SPTLC2: variants seen among roughly 807,000 people sequenced by gnomAD.
SPTLC2 encodes the protein serine palmitoyltransferase 2.
In SPTLC2, 21 loss-of-function variants were observed where a neutral mutation model predicts 62.0. The observed-to-expected ratio is 0.34, with a 90% CI of 0.24 to 0.49. The LOEUF (loss-of-function observed/expected upper bound fraction) is 0.49, where lower values mean the gene tolerates loss of function less well. Ranked by LOEUF, SPTLC2 falls within the 20% of genes least tolerant of loss-of-function variation. SPTLC2 has a pLI of 0.99. For synonymous variants in SPTLC2, 261 were observed against 261.8 expected (o/e 1.00, Z 0.03); for missense variants, 511 against 713.0 (o/e 0.72, Z 3.23).
intron 10 of SPTLC2, among the ~76,000 whole-genome samples, chr14:77,520,586 A>G (rs2139994463): frequency 6.6e-6 from 1 of 152,362 alleles, no homozygotes; most frequent in South Asian, 2.1e-4. Context: ...TCACTCCTTT[A>G]TTCTACATCT....
chr14:77,614,179 T>A (rs1489199574), intron 1 of SPTLC2, among the ~76,000 whole-genome samples: 1 of 152,236 alleles, frequency 6.6e-6, no homozygotes, highest in Admixed American at 6.5e-5. Flanking sequence ...CCTTGATATT[T>A]CTTCACCTTA....
chr14:77,616,614 T>A lies in SPTLC2; in HGVS notation c.-35A>T. On this transcript the variant is annotated 5_prime_UTR_variant, in exon 1 of 12. Transcript: ENST00000216484. ...AGCACCAGGCGCAAGGCAGGCTCTG[T>A]AGGCGGTGGCAGCGGCGGCGGCTGC... 6.5e-7 allele frequency: 1 copy of A among 1,531,012 alleles called. No individual in the cohort carries two copies. Among genetic ancestry groups the A allele is most frequent in the African/African-American group, 1.4e-5 (1 of 72,944 alleles). The allele number at this position is 1,531,012 out of a possible 1,614,324, so 94.8% of individuals were successfully genotyped here. A position where few individuals can be genotyped will look rare whatever the true frequency, so the allele number is the denominator to read the frequency against.
intron 2 of SPTLC2, among the ~76,000 whole-genome samples, chr14:77,582,894 G>A (rs879543855): frequency 6.6e-6 from 1 of 152,114 alleles, no homozygotes; most frequent in African/African-American, 2.4e-5. Context: ...TCAGTCAGTA[G>A]GTTCAGCAGA....
chr14:77,562,351 G>C (rs780806639), intron 6 of SPTLC2, 45 bp downstream of exon 6: 2 of 1,558,126 alleles, frequency 1.3e-6, no homozygotes. Flanking sequence ...TGGATCGAAA[G>C]AATAGCAAAA....
In SPTLC2 at chr14:77,524,185, A is replaced by G. The variant is rs866929963; in HGVS notation, c.1304-2604T>C. ...AGCCAGACATGAGACTGCACACTGT[A>G]TGAATTCGTTTGTATGAAACTCTAA... On this transcript the variant is annotated intron_variant, in intron 9 of 11. Coordinates refer to ENST00000216484, the MANE Select transcript of SPTLC2 (RefSeq NM_004863.4). Among the ~76,000 whole-genome samples, 3 of 152,248 alleles carry G rather than the reference A, an allele frequency of 2.0e-5. No homozygotes were observed. The South Asian group carries it at 6.2e-4, about 32-fold the overall frequency.
chr14:77,602,548 C>CTT lies in SPTLC2; in HGVS notation c.133-5170_133-5169dup, dbSNP rs60014262. Among the ~76,000 whole-genome samples the CTT allele has an allele frequency of 3.1e-4, 43 of 137,506 alleles. 1 individual carries two copies. Among genetic ancestry groups the CTT allele is most frequent in the Admixed American group, 5.3e-4 (7 of 13,144 alleles). 90.2% of individuals were successfully genotyped at this position (137,506 alleles called of 152,430 possible). On this transcript the variant is annotated intron_variant, in intron 1 of 11. Coordinates refer to ENST00000216484, the MANE Select transcript of SPTLC2 (RefSeq NM_004863.4). ...TTAAGGAGGTTGAAAAGGTTTGTTT[C>CTT]TTTTTTTTTTTTTTTTCTATTGACA...
intron 9 of SPTLC2, among the ~76,000 whole-genome samples, chr14:77,534,168 TCTCTCTCTCTCACA>T (rs1566771723): frequency 1.2e-4 from 11 of 91,866 alleles, no homozygotes; most frequent in African/African-American, 4.4e-4. Context: ...TCTCTCTTTC[TCTCTCTCTCTCACA>T]CACACACACA....
At chr14:77,608,392 A>C (rs1461539228) in intron 1 of SPTLC2, among the ~76,000 whole-genome samples, 1 of 152,212 alleles carries the variant, frequency 6.6e-6, no homozygotes, top group African/African-American at 2.4e-5. Context: ...TGACACAGTA[A>C]TTATCATCAA....
intron 2 of SPTLC2, among the ~76,000 whole-genome samples, chr14:77,581,526 T>C (rs1381205469): frequency 6.7e-6 from 1 of 149,960 alleles, no homozygotes; most frequent in Admixed American, 6.8e-5. Flanking sequence ...CTCTCCTGCC[T>C]CAGCCTCCCA....
chr14:77,583,623 AG>A (rs895348884), intron 2 of SPTLC2, among the ~76,000 whole-genome samples: 38 of 152,222 alleles, frequency 2.5e-4, no homozygotes, highest in African/African-American at 7.9e-4. Context: ...ACTTTAGTTA[AG>A]GCTTATGTAA....
At chr14:77,611,341 T>C (rs1443428290) in intron 1 of SPTLC2, among the ~76,000 whole-genome samples, 1 of 149,302 alleles carries the variant, frequency 6.7e-6, no homozygotes, top group Non-Finnish European at 1.5e-5. Flanking sequence ...TGCACACCTG[T>C]GGACCCAGCT....
intron 9 of SPTLC2, among the ~76,000 whole-genome samples, chr14:77,546,254 T>C (rs181481332): frequency 2.3e-4 from 35 of 152,344 alleles, no homozygotes; most frequent in African/African-American, 7.7e-4. Context: ...GTCATATTGC[T>C]TGCTGATTTC....
chr14:77,512,137 T>G lies in SPTLC2; in HGVS notation c.*147A>C. 9.5e-7 allele frequency: 1 copy of G among 1,050,832 alleles called. No individual in the cohort carries two copies. The highest frequency in any genetic ancestry group is 1.4e-6 in the Non-Finnish European group (1 of 696,144). 65.1% of individuals were successfully genotyped at this position (1,050,832 alleles called of 1,614,324 possible). On this transcript the variant is annotated 3_prime_UTR_variant, in exon 12 of 12. Coordinates refer to ENST00000216484, the MANE Select transcript of SPTLC2 (RefSeq NM_004863.4). ...GTTTTTTACTATTTACAAAATGTCATTTAGAGTGGAGGTGGCCACCTTCAG... is the reference window on the plus strand; with the variant it reads ...GTTTTTTACTATTTACAAAATGTCAGTTAGAGTGGAGGTGGCCACCTTCAG...
At chr14:77,561,425 C>A (rs2079614277) in intron 6 of SPTLC2, among the ~76,000 whole-genome samples, 1 of 152,020 alleles carries the variant, frequency 6.6e-6, no homozygotes, top group African/African-American at 2.4e-5. Flanking sequence ...GTCTGGCCAA[C>A]ACAGTGAAAC....
chr14:77,608,862 G>C (rs143794518), intron 1 of SPTLC2, among the ~76,000 whole-genome samples: 1 of 151,174 alleles, frequency 6.6e-6, no homozygotes, highest in African/African-American at 2.4e-5. Context: ...AGGTTGCAGT[G>C]AGCCGAGATC....
intron 4 of SPTLC2, 88 bp from the exon 5 acceptor site, chr14:77,570,596 G>A: frequency 6.6e-7 from 1 of 1,508,310 alleles, no homozygotes; most frequent in Non-Finnish European, 9.1e-7. Context: ...CATAGTATAT[G>A]TGTTGTGTCC....
intron 8 of SPTLC2, among the ~76,000 whole-genome samples, 160 bp from the exon 9 acceptor site, chr14:77,552,382 C>T (rs1476838033): frequency 6.6e-6 from 1 of 152,166 alleles, no homozygotes. Flanking sequence ...CGAAGCATAC[C>T]GCTGGCAACA....
chr14:77,583,232 A>AATAAATAAATAAATAC (rs2079762550), intron 2 of SPTLC2, among the ~76,000 whole-genome samples: 3 of 150,570 alleles, frequency 2.0e-5, no homozygotes, highest in African/African-American at 7.3e-5. Flanking sequence ...TAAATAAATA[A>AATAAATAAATAAATAC]ATAAATAAAA....
chr14:77,606,040 A>G (rs1040086735), intron 1 of SPTLC2, among the ~76,000 whole-genome samples: 1 of 152,206 alleles, frequency 6.6e-6, no homozygotes, highest in Non-Finnish European at 1.5e-5. Context: ...AAATCGTCAA[A>G]AACTTCTGCT....
Sources: gnomAD v4.1 joint callset for allele counts (sites outside exome capture counted in the v4.1 genomes callset) on GRCh38, gnomAD v4.1.1 for gene constraint, MANE v1.5 for transcripts, NCBI Gene and HGNC (gene_info 2026-07-23, HGNC 2026-07-21) for gene names.